The following DIPK1A variants were observed in gnomAD, a reference collection of about 807,000 sequenced individuals.
DIPK1A encodes the protein divergent protein kinase domain 1A, also known as family with sequence similarity 69 member A.
DIPK1A carries 27 observed loss-of-function variants against 40.8 expected under a neutral mutation model. The ratio of observed to expected loss-of-function variants is 0.66; its 90% confidence interval spans 0.49 to 0.91. The LOEUF is 0.91. Ranked by LOEUF, DIPK1A falls within the 40% of genes least tolerant of loss-of-function variation. The pLI is 0.00. For missense variants in DIPK1A, 412 were observed against 505.7 expected (o/e 0.81, Z 1.78); for synonymous variants, 166 against 171.3 (o/e 0.97, Z 0.24).
chr1:92,896,672 A>C (rs1275416583), intron 1 of DIPK1A, among the ~76,000 whole-genome samples: 1 of 151,908 alleles, frequency 6.6e-6, no homozygotes, highest in Non-Finnish European at 1.5e-5. Context: ...AATTAAACTA[A>C]AGAGCTTCTG....
chr1:92,845,506 T>TAAA lies in DIPK1A; in HGVS notation c.475-1312_475-1311insTTT, dbSNP rs1491114843. Reference sequence around the variant, plus strand: ...CAACATGGTGAAACCGTGTCTATGCTAGAAAAAAAAAAAAAAAAAAAAACC... The same window carrying TAAA: ...CAACATGGTGAAACCGTGTCTATGCTAAAAGAAAAAAAAAAAAAAAAAAAAACC... On this transcript the variant is annotated intron_variant, in intron 4 of 4. Coordinates refer to ENST00000370310, the MANE Select transcript of DIPK1A (RefSeq NM_001006605.5). 4.3e-5 allele frequency: 8 copies of TAAA among 184,008 alleles called. No individual in the cohort carries two copies. The African/African-American group carries it at 4.8e-4, about 11-fold the overall frequency. The allele number at this position is 184,008 out of a possible 1,614,324, so 11.4% of individuals were successfully genotyped here.
At chr1:92,905,011 C>T (rs1357418384) in intron 1 of DIPK1A, among the ~76,000 whole-genome samples, 1 of 152,066 alleles carries the variant, frequency 6.6e-6, no homozygotes, top group African/African-American at 2.4e-5. Context: ...CTGAATAGTA[C>T]TCCATTGTGT....
intron 1 of DIPK1A, among the ~76,000 whole-genome samples, chr1:92,959,961 G>T (rs1380612762): frequency 2.8e-5 from 3 of 107,354 alleles, no homozygotes; most frequent in Non-Finnish European, 5.3e-5. Context: ...TCACAATGTT[G>T]CCCAGGCTGG....
intron 1 of DIPK1A, among the ~76,000 whole-genome samples, chr1:92,910,052 A>G (rs570255629): frequency 1.8e-4 from 27 of 152,316 alleles, no homozygotes; most frequent in African/African-American, 6.3e-4. Context: ...AACCTAGGGC[A>G]AGCTCTTTGT....
At chr1:92,938,800 A>G (rs1169763523) in intron 1 of DIPK1A, among the ~76,000 whole-genome samples, 1 of 152,256 alleles carries the variant, frequency 6.6e-6, no homozygotes, top group Non-Finnish European at 1.5e-5. Context: ...AATAAGGGTC[A>G]GAAGGACAAA....
intron 1 of DIPK1A, among the ~76,000 whole-genome samples, chr1:92,889,958 A>G (rs565479059): frequency 2.0e-4 from 30 of 151,846 alleles, no homozygotes; most frequent in Non-Finnish European, 3.7e-4. Flanking sequence ...CTGTCTTTCC[A>G]TTTTTTTGTG....
intron 1 of DIPK1A, among the ~76,000 whole-genome samples, chr1:92,884,470 A>G (rs1471146351): frequency 1.3e-5 from 2 of 152,022 alleles, no homozygotes; most frequent in Admixed American, 1.3e-4. Flanking sequence ...ACAAACAAAA[A>G]AAAACAACTC....
chr1:92,895,159 C>T (rs1432357046), intron 1 of DIPK1A, among the ~76,000 whole-genome samples: 1 of 151,802 alleles, frequency 6.6e-6, no homozygotes, highest in African/African-American at 2.4e-5. Context: ...TTTTATGAGG[C>T]CAGCACCATC....
chr1:92,847,408 C>G (rs769344536), intron 3 of DIPK1A, 49 bp from the exon 4 acceptor site: 1 of 1,256,276 alleles, frequency 8.0e-7, no homozygotes, highest in Admixed American at 2.6e-5. Context: ...GTAGAAAACT[C>G]TAAAAAATAT....
intron 1 of DIPK1A, among the ~76,000 whole-genome samples, chr1:92,879,996 G>A (rs1041241917): frequency 6.6e-6 from 1 of 152,190 alleles, no homozygotes; most frequent in Non-Finnish European, 1.5e-5. Flanking sequence ...ATACACTATG[G>A]CAGTGATTCT....
At chr1:92,928,965 GAAA>G (rs531620093) in intron 1 of DIPK1A, among the ~76,000 whole-genome samples, 4 of 76,604 alleles carry the variant, frequency 5.2e-5, no homozygotes, top group Non-Finnish European at 1.5e-4. Context: ...CCATCTCAAA[GAAA>G]AAAAAAAGAA....
chr1:92,948,750 T>A (rs1651499997), intron 1 of DIPK1A, among the ~76,000 whole-genome samples: 1 of 135,672 alleles, frequency 7.4e-6, no homozygotes, highest in Non-Finnish European at 1.6e-5. Flanking sequence ...TATATATACA[T>A]ATATATGTAT....
chr1:92,851,137 G>A (rs1687804639), intron 2 of DIPK1A, among the ~76,000 whole-genome samples, 182 bp from the exon 3 acceptor site: 1 of 152,162 alleles, frequency 6.6e-6, no homozygotes, highest in Admixed American at 6.5e-5. Context: ...GAGAAAGCTT[G>A]TTGCTGCTGG....
intron 1 of DIPK1A, among the ~76,000 whole-genome samples, chr1:92,899,006 T>C (rs1649301516): frequency 6.6e-6 from 1 of 152,164 alleles, no homozygotes; most frequent in South Asian, 2.1e-4. Context: ...TGGATTCAAA[T>C]ATCCTCCCAT....
At chr1:92,947,941 C>G (rs900771530) in intron 1 of DIPK1A, among the ~76,000 whole-genome samples, 1 of 152,082 alleles carries the variant, frequency 6.6e-6, no homozygotes, top group African/African-American at 2.4e-5. Flanking sequence ...TTAACCGACA[C>G]AAAAGTGCAG....
intron 1 of DIPK1A, among the ~76,000 whole-genome samples, chr1:92,926,366 A>G (rs1361086903): frequency 6.6e-6 from 1 of 152,222 alleles, no homozygotes; most frequent in Non-Finnish European, 1.5e-5. Flanking sequence ...AACTGTAATC[A>G]GAAAACATAC....
intron 1 of DIPK1A, among the ~76,000 whole-genome samples, chr1:92,910,037 C>T (rs941573033): frequency 6.6e-6 from 1 of 152,170 alleles, no homozygotes; most frequent in African/African-American, 2.4e-5. Context: ...CTCCTTCCAT[C>T]TAAGAACCTA....
chr1:92,949,228 A>G (rs1651527735), intron 1 of DIPK1A, among the ~76,000 whole-genome samples: 1 of 152,152 alleles, frequency 6.6e-6, no homozygotes, highest in South Asian at 2.1e-4. Flanking sequence ...AAAAAACTTA[A>G]TAAAGTTAAT....
chr1:92,958,201 T>C (rs1259590401), intron 1 of DIPK1A, among the ~76,000 whole-genome samples: 2 of 152,238 alleles, frequency 1.3e-5, no homozygotes, highest in African/African-American at 4.8e-5. Flanking sequence ...CTATTATGGC[T>C]GAAAATATAT....
Sources: gnomAD v4.1 joint callset for allele counts (sites outside exome capture counted in the v4.1 genomes callset) on GRCh38, gnomAD v4.1.1 for gene constraint, MANE v1.5 for transcripts, NCBI Gene and HGNC (gene_info 2026-07-23, HGNC 2026-07-21) for gene names.